RNF123: variants seen among roughly 807,000 people sequenced by gnomAD.
RNF123 encodes the protein ring finger protein 123, also known as E3 ubiquitin-protein ligase RNF123.
A neutral mutation model predicts 168.5 loss-of-function variants in RNF123; 86 were observed. The observed-to-expected ratio is 0.51, with a 90% confidence interval of 0.43 to 0.61. The LOEUF is 0.61. RNF123 is among the 20% of genes least tolerant of loss of function. The pLI, the probability that RNF123 is intolerant of heterozygous loss-of-function variation, is 0.00. For synonymous variants in RNF123, 666 were observed against 689.1 expected (o/e 0.97, Z 0.52); for missense variants, 1,419 against 1,729.7 (o/e 0.82, Z 3.19).
intron 26 of RNF123, 142 bp downstream of exon 26, chr3:49,707,040 C>T: frequency 1.5e-6 from 1 of 672,410 alleles, no homozygotes; most frequent in South Asian, 1.7e-5. Flanking sequence ...GACTCCATCA[C>T]CCCATGCCAT....
intron 35 of RNF123, chr3:49,718,980 G>C: frequency 6.2e-7 from 1 of 1,613,850 alleles, no homozygotes; most frequent in Non-Finnish European, 8.5e-7. Context: ...AGCCCAGGTA[G>C]AGATGGCTGA....
chr3:49,692,484 A>G (rs1369095524), intron 3 of RNF123, among the ~76,000 whole-genome samples: 1 of 152,198 alleles, frequency 6.6e-6, no homozygotes, highest in Non-Finnish European at 1.5e-5. Flanking sequence ...TTTGTCTTAT[A>G]AACAATCTAG....
chr3:49,712,512 G>A lies in RNF123; in HGVS notation c.2530G>A (p.Val844Ile), dbSNP rs199836723. The A allele has an allele frequency of 5.5e-5, 88 of 1,614,152 alleles. No homozygotes were observed. Among genetic ancestry groups the A allele is most frequent in the Middle Eastern group, 1.6e-4 (1 of 6,062 alleles). ...GCTGGACATCTACTGGCTGCTGCGC[G>A]TCTGCCTGCGGACCATTGAGCACGG... is the stretch of plus-strand genomic sequence containing the variant. ...KMLDIYWLLRVCLRTIEHGDR... is the reference protein window; with the variant it reads ...KMLDIYWLLRICLRTIEHGDR... The change falls in exon 27 of 39, where the codon GTC becomes ATC. Residue 844 changes from valine (V) to isoleucine (I), a missense_variant. Around this residue, in one of 5 missense-constraint regions of RNF123, gnomAD observed 538 missense variants for 708.8 expected, o/e 0.76. Coordinates refer to ENST00000327697, the MANE Select transcript of RNF123 (RefSeq NM_022064.5).
chr3:49,703,390 C>T (rs564607215), intron 20 of RNF123, 37 bp from the exon 21 acceptor site: 10 of 1,559,656 alleles, frequency 6.4e-6, no homozygotes, highest in East Asian at 2.3e-5. Context: ...TCCTACTGGG[C>T]CGTGACCACT....
rs11130217 is a variant in RNF123, at chr3:49,699,890, A to G, written c.984+118A>G. ...TGAGGTCCCACAGCATCACCTGGCG[A>G]GGGCCCCATGTGACCAGGGCCCTCA... On this transcript the variant is annotated intron_variant, in intron 12 of 38. Coordinates refer to ENST00000327697, the MANE Select transcript of RNF123 (RefSeq NM_022064.5). The surrounding 1 kb of genome is among the most constrained non-coding windows in gnomAD (Gnocchi z 4.8). 0.84 allele frequency: 924,256 copies of G among 1,094,800 alleles called. 391,824 individuals are homozygous for G. Among genetic ancestry groups the G allele is most frequent in the East Asian group, 1 (38,872 of 38,988 alleles). The allele number at this position is 1,094,800 out of a possible 1,614,324, so 67.8% of individuals were successfully genotyped here. A position where few individuals can be genotyped will look rare whatever the true frequency, so the allele number is the denominator to read the frequency against.
rs371924160 is a variant in RNF123, at chr3:49,716,461, C to G, written c.3484C>G (p.Arg1162Gly). 1.5e-5 allele frequency: 24 copies of G among 1,613,974 alleles called. No individual in the cohort carries two copies. Among genetic ancestry groups the G allele is most frequent in the Non-Finnish European group, 2.0e-5 (24 of 1,179,930 alleles). ...GGGCATCCTGGTGCAGCTCCTGGTG[C>G]GTGGCCCAGCCTCAGAGTGAGTGTT... is the stretch of plus-strand genomic sequence containing the variant. ...VTGILVQLLVRGPASEREQAT... is the reference protein window; with the variant it reads ...VTGILVQLLVGGPASEREQAT... Residue 1162 changes from arginine to glycine, a missense_variant, in exon 35 of 39, where the codon CGT becomes GGT. Physicochemically the swap from Arg to Gly is moderately radical, Grantham distance 125. Transcript: ENST00000327697.
At chr3:49,705,944 C>T (rs1320483167) in intron 24 of RNF123, 38 bp from the exon 25 acceptor site, 13 of 1,602,376 alleles carry the variant, frequency 8.1e-6, no homozygotes, top group African/African-American at 2.7e-5. Context: ...ATGAAGTGCC[C>T]AAGGGGCACT....
intron 35 of RNF123, chr3:49,718,830 G>A (rs2080314562): frequency 6.2e-7 from 1 of 1,613,446 alleles, no homozygotes; most frequent in Non-Finnish European, 8.5e-7. Context: ...AGTAGAGGCC[G>A]TTCTTGAGGA....
At chr3:49,690,383 A>G (rs2054120896) in intron 1 of RNF123, among the ~76,000 whole-genome samples, 1 of 152,272 alleles carries the variant, frequency 6.6e-6, no homozygotes. Flanking sequence ...CCTCATGTGG[A>G]TGACGGCTGC....
Position 49,705,041 on chromosome 3 carries a change from C to T in RNF123, c.2017C>T (p.Leu673Phe). Residue 673 changes from leucine (L) to phenylalanine (F), a missense_variant, in exon 23 of 39, where the codon CTC (leucine) becomes TTC (phenylalanine). Physicochemically the swap from Leu to Phe is conservative, Grantham distance 22. Coordinates refer to ENST00000327697, the MANE Select transcript of RNF123 (RefSeq NM_022064.5). The part of the protein sequence containing the change: ...GPLPLPRPGW[L>F]SSPTLGRANR... ...ACTGCCCCTGCCCCGGCCCGGCTGG[C>T]TCAGTTCTCCAACTTTGGGCCGAGC... is the stretch of plus-strand genomic sequence containing the variant. The T allele has an allele frequency of 2.5e-6, 4 of 1,610,968 alleles. No individual in the cohort carries two copies. Among genetic ancestry groups the T allele is most frequent in the Non-Finnish European group, 3.4e-6 (4 of 1,179,184 alleles).
intron 35 of RNF123, chr3:49,717,534 C>T (rs2080272504): frequency 9.1e-6 from 2 of 219,000 alleles, no homozygotes; most frequent in Non-Finnish European, 1.8e-5. Context: ...TCCTCGAGAG[C>T]TGTCTCAGCC....
At position 49,720,572 on chromosome 3, in the gene RNF123, T is replaced by C; in HGVS notation, c.3562T>C (p.Tyr1188His). 1 of 1,612,146 alleles carries C rather than the reference T, an allele frequency of 6.2e-7. No homozygotes were observed. The highest frequency in any genetic ancestry group is 8.5e-7 in the Non-Finnish European group (1 of 1,178,900). The change falls in exon 36 of 39, where the codon TAT (tyrosine) becomes CAT (histidine). Residue 1188 changes from tyrosine to histidine, a missense_variant. This residue lies in a region of RNF123 where 164 missense variants were observed against 152.3 expected (regional missense o/e 1.08). Transcript: ENST00000327697. ...CTGCTTCCAGCTACGCTCAATATGC[T>C]ATCTCCTGGGACAGCCAGAGCCCCC... ...DPCFQLRSICYLLGQPEPPAP... is the reference protein window; with the variant it reads ...DPCFQLRSICHLLGQPEPPAP...
chr3:49,712,948 T>C, intron 27 of RNF123: 1 of 702,996 alleles, frequency 1.4e-6, no homozygotes, highest in Admixed American at 2.0e-5. Context: ...GCAACTGCCA[T>C]GGTCCAGGAG....
At chr3:49,706,284 A>C (rs959497651) in intron 25 of RNF123, among the ~76,000 whole-genome samples, 4 of 152,152 alleles carry the variant, frequency 2.6e-5, no homozygotes, top group Non-Finnish European at 5.9e-5. Flanking sequence ...ATAAGTGCTG[A>C]AGCACACCCA....
intron 36 of RNF123, 27 bp downstream of exon 36, chr3:49,720,680 G>A (rs1213304110): frequency 1.3e-6 from 2 of 1,596,002 alleles, no homozygotes; most frequent in South Asian, 2.2e-5. Context: ...GGCAGGTCAG[G>A]GAAATCTGGG....
At chr3:49,709,375 A>G (rs530934492) in intron 26 of RNF123, among the ~76,000 whole-genome samples, 1 of 148,218 alleles carries the variant, frequency 6.7e-6, no homozygotes, top group Non-Finnish European at 1.5e-5. Flanking sequence ...ATCTCAGCTC[A>G]CTGCAAGCTC....
rs949387413 is a variant in RNF123, at chr3:49,699,171, C to T, written c.764+66C>T. ...CTTGGGGAGGCTGGGATGAGGGGCT[C>T]CCTACCCCAGGGGTGCCATGGGCTG... On this transcript the variant is annotated intron_variant, in intron 10 of 38. Coordinates refer to ENST00000327697, the MANE Select transcript of RNF123 (RefSeq NM_022064.5). This position sits in a 1 kb window ranked among gnomAD's most constrained non-coding sequence, Gnocchi z 4.8. 28 of 1,565,578 alleles carry T rather than the reference C, an allele frequency of 1.8e-5. No homozygotes were observed. The highest frequency in any genetic ancestry group is 9.5e-5 in the African/African-American group (7 of 73,744).
rs751205274 is a variant in RNF123, at chr3:49,721,306, C to T, written c.*1C>T. ...GAGTACTACCTCCTCAGCTGCCTAG[C>T]CCTCACAGCCTGTGCCATCCTGGAA... On this transcript the variant is annotated 3_prime_UTR_variant, in exon 39 of 39. Transcript: ENST00000327697. 6.2e-7 allele frequency: 1 copy of T among 1,614,180 alleles called. No individual in the cohort carries two copies. Among genetic ancestry groups the T allele is most frequent in the South Asian group, 1.1e-5 (1 of 91,082 alleles).
chr3:49,713,699 C>T, intron 28 of RNF123, 39 bp from the exon 29 acceptor site: 3 of 1,576,326 alleles, frequency 1.9e-6, no homozygotes, highest in Non-Finnish European at 2.6e-6. Context: ...GTCCAGGGCT[C>T]ATGCCAAGCC....
Sources: allele counts gnomAD v4.1 joint callset (sites outside exome capture counted in the v4.1 genomes callset), GRCh38; gene constraint gnomAD v4.1.1; regional missense constraint gnomAD v4.1.1; non-coding constraint Gnocchi (gnomAD v3.1); transcripts MANE v1.5; gene names NCBI Gene and HGNC (gene_info 2026-07-23, HGNC 2026-07-21).